The following ME3 variants were observed in gnomAD, a reference collection of about 807,000 sequenced individuals.
The protein encoded by ME3 is NADP-dependent malic enzyme, mitochondrial.
A neutral mutation model predicts 68.9 loss-of-function variants in ME3; 48 were observed. That is an observed-to-expected ratio of 0.70 (90% CI 0.55 to 0.89). ME3 has a LOEUF of 0.89. ME3 is among the 40% of genes least tolerant of loss of function. ME3 has a pLI of 0.00. For synonymous variants in ME3, 320 were observed against 318.8 expected, an observed-to-expected ratio of 1.00 and a Z score of -0.04; for missense variants, 675 against 797.4, an observed-to-expected ratio of 0.85 and a Z score of 1.85.
chr11:86,469,981 C>T (rs79233179), intron 7 of ME3, among the ~76,000 whole-genome samples: 11,604 of 152,098 alleles, frequency 0.076, 491 homozygotes, highest in South Asian at 0.11. Flanking sequence ...CCAACAGTGC[C>T]AGCACCTGCC....
At chr11:86,617,046 T>TTG (rs1943012758) in intron 2 of ME3, among the ~76,000 whole-genome samples, 1 of 16,828 alleles carries the variant, frequency 5.9e-5, no homozygotes, top group Admixed American at 5.8e-4. Context: ...AAGATAGTAG[T>TTG]TTTTTTTTTT....
intron 7 of ME3, among the ~76,000 whole-genome samples, chr11:86,466,961 C>G (rs965133446): frequency 2.6e-5 from 4 of 152,228 alleles, no homozygotes; most frequent in Non-Finnish European, 4.4e-5. Context: ...TAATATCTGC[C>G]TGGCTAACAT....
chr11:86,555,787 T>C (rs911146679), intron 4 of ME3, among the ~76,000 whole-genome samples: 1 of 152,240 alleles, frequency 6.6e-6, no homozygotes, highest in East Asian at 1.9e-4. Flanking sequence ...CACTAACTTA[T>C]AAATTCTACA....
chr11:86,507,248 G>A (rs1953150144), intron 5 of ME3, among the ~76,000 whole-genome samples: 2 of 152,176 alleles, frequency 1.3e-5, no homozygotes, highest in Admixed American at 1.3e-4. Flanking sequence ...GAGAGGCCAT[G>A]GTTCTCTCTT....
At chr11:86,636,802 T>C (rs1944359634) in intron 2 of ME3, among the ~76,000 whole-genome samples, 1 of 152,224 alleles carries the variant, frequency 6.6e-6, no homozygotes, top group South Asian at 2.1e-4. Flanking sequence ...AAGGGTGTTA[T>C]GGGAATTAAA....
chr11:86,621,388 CT>C (rs1208610926), intron 2 of ME3, among the ~76,000 whole-genome samples: 1 of 150,600 alleles, frequency 6.6e-6, no homozygotes, highest in Non-Finnish European at 1.5e-5. Flanking sequence ...GCTCCTCAGT[CT>C]TGGCTAATTT....
chr11:86,671,922 C>T, exon 2 of ME3: 1 of 1,438,092 alleles, frequency 7.0e-7, no homozygotes, highest in Non-Finnish European at 9.1e-7. Flanking sequence ...CAGCCGCGTG[C>T]CTGTCCCCAG....
At chr11:86,633,825 T>C (rs1944165359) in intron 2 of ME3, among the ~76,000 whole-genome samples, 4 of 152,144 alleles carry the variant, frequency 2.6e-5, no homozygotes, top group African/African-American at 9.7e-5. Context: ...GGAGGTTACA[T>C]GTCCACCATC....
At chr11:86,603,197 C>T (rs2135134014) in intron 2 of ME3, among the ~76,000 whole-genome samples, 1 of 152,184 alleles carries the variant, frequency 6.6e-6, no homozygotes, top group Middle Eastern at 3.4e-3. Flanking sequence ...GCAACCTACT[C>T]ATCTGACAAA....
chr11:86,640,324 T>C (rs1944589588), intron 2 of ME3, among the ~76,000 whole-genome samples: 1 of 152,170 alleles, frequency 6.6e-6, no homozygotes, highest in Non-Finnish European at 1.5e-5. Context: ...AAGGAGAATA[T>C]GGGGTTTTCC....
chr11:86,443,826 A>G (rs751534888), intron 13 of ME3, among the ~76,000 whole-genome samples: 1 of 152,176 alleles, frequency 6.6e-6, no homozygotes, highest in Non-Finnish European at 1.5e-5. Flanking sequence ...GCTCTACTAT[A>G]TCTTTCAAAA....
At chr11:86,637,349 C>CA (rs11402713) in intron 2 of ME3, among the ~76,000 whole-genome samples, 15,648 of 121,878 alleles carry the variant, frequency 0.13, 1,304 homozygotes, top group African/African-American at 0.23. Flanking sequence ...ACAAGAAGCA[C>CA]AAAAAAAAAA....
chr11:86,457,420 C>T (rs954542108), intron 8 of ME3: 7 of 876,448 alleles, frequency 8.0e-6, no homozygotes, highest in Middle Eastern at 5.7e-4. Context: ...AATCAGTTCT[C>T]AGCCTTCTTC....
intron 4 of ME3, among the ~76,000 whole-genome samples, chr11:86,551,875 C>T (rs1956704650): frequency 6.6e-6 from 1 of 152,230 alleles, no homozygotes; most frequent in Non-Finnish European, 1.5e-5. Context: ...CCAAGTCCCA[C>T]TTCCCAGCCT....
At chr11:86,448,235 A>G (rs111940227) in exon 11 of ME3, 7 of 1,614,030 alleles carry the variant, frequency 4.3e-6, no homozygotes, top group African/African-American at 1.3e-5. Context: ...TCTCCTTTTC[A>G]TGGTTCAGGT....
chr11:86,541,860 G>T (rs1956068845), intron 4 of ME3, among the ~76,000 whole-genome samples: 1 of 152,198 alleles, frequency 6.6e-6, no homozygotes, highest in Non-Finnish European at 1.5e-5. Context: ...TAGGGTGGGG[G>T]ACACCTCCCA....
At chr11:86,483,965 G>C (rs1951555219) in intron 7 of ME3, among the ~76,000 whole-genome samples, 3 of 152,204 alleles carry the variant, frequency 2.0e-5, no homozygotes, top group African/African-American at 7.2e-5. Flanking sequence ...TGCATGACAG[G>C]GAAAGAGCGG....
intron 7 of ME3, among the ~76,000 whole-genome samples, chr11:86,484,522 C>T (rs1594135524): frequency 6.6e-6 from 1 of 152,190 alleles, no homozygotes; most frequent in African/African-American, 2.4e-5. Context: ...AGGATCCCGC[C>T]CCCCGCTCCC....
At chr11:86,481,106 A>G (rs1481947079) in intron 7 of ME3, among the ~76,000 whole-genome samples, 2 of 151,852 alleles carry the variant, frequency 1.3e-5, no homozygotes, top group Non-Finnish European at 2.9e-5. Flanking sequence ...CAGCGATACC[A>G]TCATAGCTCA....
Sources: gnomAD v4.1 joint callset for allele counts (sites outside exome capture counted in the v4.1 genomes callset) on GRCh38, gnomAD v4.1.1 for gene constraint, MANE v1.5 for transcripts, NCBI Gene and HGNC (gene_info 2026-07-23, HGNC 2026-07-21) for gene names.